The following MAP1S variants were observed in gnomAD, a reference collection of about 807,000 sequenced individuals.
MAP1S encodes the protein microtubule associated protein 1S.
A neutral mutation model predicts 60.9 loss-of-function variants in MAP1S; 27 were observed. The ratio of observed to expected loss-of-function variants is 0.44; its 90% CI spans 0.33 to 0.61. The LOEUF (loss-of-function observed/expected upper bound fraction) is 0.61. MAP1S is among the 20% of genes least tolerant of loss of function. The pLI is 0.03. For missense variants in MAP1S, 1,608 were observed against 1,486.6 expected, an observed-to-expected ratio of 1.08 and a Z score of -1.34; for synonymous variants, 826 against 694.2, an observed-to-expected ratio of 1.19 and a Z score of -2.98.
chr19:17,733,394 T>G lies in MAP1S; in HGVS notation c.2990T>G (p.Leu997Arg). The G allele has an allele frequency of 6.2e-7, 1 of 1,609,682 alleles. No individual in the cohort carries two copies. Reference protein sequence around the residue: ...EGMRAVLDALLASKQHWDRDL... With the variant: ...EGMRAVLDALRASKQHWDRDL... Reference sequence around the variant, plus strand: ...ATGCGGGCCGTCCTGGACGCGCTACTGGCCAGCAAGCAGCATTGGGACCGT... The same window carrying G: ...ATGCGGGCCGTCCTGGACGCGCTACGGGCCAGCAAGCAGCATTGGGACCGT... The change falls in exon 6 of 7, where the codon CTG becomes CGG. Residue 997 changes from leucine to arginine, a missense_variant. This residue lies in a region of MAP1S where 76 missense variants were observed against 110.1 expected (regional missense o/e 0.69). Transcript: ENST00000324096.
At chr19:17,724,581 A>G (rs1047204616) in intron 3 of MAP1S, among the ~76,000 whole-genome samples, 2 of 151,976 alleles carry the variant, frequency 1.3e-5, no homozygotes, top group Non-Finnish European at 2.9e-5. Context: ...GGCCATCTGT[A>G]CTCTACCAAT....
rs1442562367 is a variant in MAP1S at position 17,728,073 on chromosome 19, C to T, written c.2689C>T (p.Arg897Ter). 8 of 1,612,712 alleles carry T rather than the reference C, an allele frequency of 5.0e-6. No individual in the cohort carries two copies. The highest frequency in any genetic ancestry group is 6.8e-6 in the Non-Finnish European group (8 of 1,179,906). ...GCTTGCTGGTGGGGACCGTGCCAGC[C>T]GACCACTCAGTGCCCGGAGTGAGCC... ...KGLAGGDRAS[R>*]PLSARSEPSE... Residue 897 changes from arginine (R) to a stop codon, truncating the protein, a stop_gained, in exon 5 of 7, where the codon CGA becomes TGA. Coordinates refer to ENST00000324096, the MANE Select transcript of MAP1S (RefSeq NM_018174.6). LOFTEE classifies it high-confidence loss of function.
At chr19:17,724,984 C>G in intron 3 of MAP1S, 65 bp from the exon 4 acceptor site, 2 of 1,608,670 alleles carry the variant, frequency 1.2e-6, no homozygotes, top group Non-Finnish European at 1.7e-6. Context: ...GAGGCTACCC[C>G]AAAGAGGACT....
At chr19:17,732,885 G>A (rs926871475) in intron 5 of MAP1S, 1 of 377,652 alleles carries the variant, frequency 2.6e-6, no homozygotes, top group Admixed American at 4.6e-5. Flanking sequence ...TGTTTGTAGA[G>A]TGAGTGAAGA....
rs777573327 is a variant in MAP1S, at chr19:17,726,070, C to G, written c.686C>G (p.Pro229Arg). Residue 229 changes from proline to arginine, a missense_variant, in exon 5 of 7, where the codon CCC becomes CGC. Physicochemically the swap from Pro to Arg is moderately radical, Grantham distance 103. Transcript: ENST00000324096. Reference protein sequence around the residue: ...EPPSPFELLEPPTSGGFLRLG... With the variant: ...EPPSPFELLERPTSGGFLRLG... ...CCGTCCCCCTTCGAGCTGCTGGAGC[C>G]CCCGACCTCCGGGGGCTTCCTCAGG... is the stretch of plus-strand genomic sequence containing the variant. The G allele has an allele frequency of 6.2e-6, 10 of 1,613,600 alleles. No homozygotes were observed. The highest frequency in any genetic ancestry group is 7.6e-6 in the Non-Finnish European group (9 of 1,179,914).
chr19:17,720,397 G>T, intron 1 of MAP1S: 7 of 1,535,000 alleles, frequency 4.6e-6, no homozygotes, highest in Non-Finnish European at 6.1e-6. Flanking sequence ...GGATATGGCC[G>T]GGATGATAGA....
chr19:17,727,527 G>A lies in MAP1S; in HGVS notation c.2143G>A (p.Ala715Thr). The A allele has an allele frequency of 1.2e-6, 2 of 1,610,168 alleles. No individual in the cohort carries two copies. Among genetic ancestry groups the A allele is most frequent in the South Asian group, 2.2e-5 (2 of 90,978 alleles). ...GCCGCCATCCGCCCCCACCAGTGAG[G>A]CTGGGCTGAGCCTCCCGCTGCGTGG... ...VLPPSAPTSE[A>T]GLSLPLRGPR... The change falls in exon 5 of 7, where the codon GCT becomes ACT. Residue 715 changes from alanine to threonine, a missense_variant. Physicochemically the swap from Ala to Thr is moderately conservative, Grantham distance 58. Around this residue, in one of 4 missense-constraint regions of MAP1S, gnomAD observed 1,167 missense variants for 961.4 expected, o/e 1.21. Transcript: ENST00000324096. This position sits in a 1 kb window ranked among gnomAD's most constrained non-coding sequence, Gnocchi z 4.1.
Position 17,725,387 on chromosome 19 carries a change from G to A in MAP1S, c.444+198G>A, listed in dbSNP as rs999035148. ...CGCGAAAGGGTGTGGTGTGAGCTGA[G>A]TTTGTAGGTCAGCAGATGTCCCAAA... is the stretch of plus-strand genomic sequence containing the variant. On this transcript the variant is annotated intron_variant, in intron 4 of 6. Coordinates refer to ENST00000324096, the MANE Select transcript of MAP1S (RefSeq NM_018174.6). The surrounding 1 kb of genome is among the most constrained non-coding windows in gnomAD (Gnocchi z 4.2). Among the ~76,000 whole-genome samples, 4 of 152,216 alleles carry A rather than the reference G, an allele frequency of 2.6e-5. No homozygotes were observed. The highest frequency in any genetic ancestry group is 1.3e-4 in the Admixed American group (2 of 15,276).
chr19:17,724,318 C>A, intron 3 of MAP1S, 110 bp downstream of exon 3: 2 of 837,846 alleles, frequency 2.4e-6, no homozygotes, highest in Middle Eastern at 2.2e-4. Flanking sequence ...TCTCAAGACA[C>A]CCGGCACCAC....
Position 17,725,870 on chromosome 19 carries a change from G to C in MAP1S, c.486G>C (p.Pro162=), listed in dbSNP as rs771968962. The C allele has an allele frequency of 2.5e-6, 4 of 1,613,466 alleles. No homozygotes were observed. Among genetic ancestry groups the C allele is most frequent in the Non-Finnish European group, 3.4e-6 (4 of 1,179,966 alleles). ...ILATTPPPVQ[P]PILTITCPTF... is the part of the protein sequence containing the mutation. ...CCACCACGCCCCCACCTGTGCAGCC[G>C]CCCATACTCACCATCACCTGCCCCA... Residue 162 remains proline (P), a synonymous_variant, in exon 5 of 7, where the codon CCG becomes CCC. Transcript: ENST00000324096. This position sits in a 1 kb window ranked among gnomAD's most constrained non-coding sequence, Gnocchi z 4.2.
In MAP1S at chr19:17,727,707, G is replaced by C. The variant is rs1395726696; in HGVS notation, c.2323G>C (p.Gly775Arg). 15 of 1,608,218 alleles carry C rather than the reference G, an allele frequency of 9.3e-6. No individual in the cohort carries two copies. The highest frequency in any genetic ancestry group is 1.3e-5 in the Non-Finnish European group (15 of 1,178,280). The change falls in exon 5 of 7, where the codon GGT (glycine) becomes CGT (arginine). Residue 775 changes from glycine (G) to arginine (R), a missense_variant. Gly to Arg is a moderately radical substitution (Grantham distance 125). Around this residue, in one of 4 missense-constraint regions of MAP1S, gnomAD observed 1,167 missense variants for 961.4 expected, o/e 1.21. Coordinates refer to ENST00000324096, the MANE Select transcript of MAP1S (RefSeq NM_018174.6). This position sits in a 1 kb window ranked among gnomAD's most constrained non-coding sequence, Gnocchi z 4.1. ...DSSARSQERAGGLGAEETPPT... is the reference protein window; with the variant it reads ...DSSARSQERARGLGAEETPPT... ...CAGTGCCCGGTCACAGGAACGGGCA[G>C]GTGGGCTGGGGGCCGAGGAGACGCC...
At position 17,726,624 on chromosome 19, in the gene MAP1S, G is replaced by T. The variant is rs755070623; in HGVS notation, c.1240G>T (p.Ala414Ser). ...CGAGCGCACGCTGGCCTCTGTGTGC[G>T]CCCTGCTGGTGTGGCACCCCGCCGG... ...GAERTLASVCALLVWHPAGPG... is the reference protein window; with the variant it reads ...GAERTLASVCSLLVWHPAGPG... The change falls in exon 5 of 7, where the codon GCC becomes TCC. Residue 414 changes from alanine to serine, a missense_variant. Ala to Ser is a moderately conservative substitution (Grantham distance 99). Around this residue, in one of 4 missense-constraint regions of MAP1S, gnomAD observed 1,167 missense variants for 961.4 expected, o/e 1.21. Transcript: ENST00000324096. 4.5e-6 allele frequency: 7 copies of T among 1,572,434 alleles called. No homozygotes were observed. Among genetic ancestry groups the T allele is most frequent in the Non-Finnish European group, 6.0e-6 (7 of 1,163,420 alleles).
chr19:17,734,231 C>CTGG, intron 6 of MAP1S, 42 bp from the exon 7 acceptor site: 1 of 1,567,842 alleles, frequency 6.4e-7, no homozygotes, highest in African/African-American at 1.3e-5. Flanking sequence ...ACCCCCCTCA[C>CTGG]TGGTGGTCCA....
At chr19:17,722,050 A>G (rs946778980) in intron 2 of MAP1S, among the ~76,000 whole-genome samples, 4 of 152,164 alleles carry the variant, frequency 2.6e-5, no homozygotes, top group Non-Finnish European at 4.4e-5. Flanking sequence ...TTCATGGGGC[A>G]GAAAGTGGAG....
At chr19:17,719,995 A>T in intron 1 of MAP1S, 1 of 477,422 alleles carries the variant, frequency 2.1e-6, no homozygotes, top group Non-Finnish European at 2.8e-6. Context: ...TTGGATCTCC[A>T]GGTCTTAGCA....
At position 17,733,433 on chromosome 19, in the gene MAP1S, G is replaced by T. The variant is rs576770864; in HGVS notation, c.3024+5G>T. 4 of 1,585,322 alleles carry T rather than the reference G, an allele frequency of 2.5e-6. No individual in the cohort carries two copies. On this transcript the variant is annotated splice_donor_5th_base_variant and intron_variant, in intron 6 of 6. Coordinates refer to ENST00000324096, the MANE Select transcript of MAP1S (RefSeq NM_018174.6). Reference sequence around the variant, plus strand: ...CATTGGGACCGTGACCTGCAGGTGCGTGTCACCCCAGGGCCTCTGGTGGTA... The same window carrying T: ...CATTGGGACCGTGACCTGCAGGTGCTTGTCACCCCAGGGCCTCTGGTGGTA...
chr19:17,727,122 C>G lies in MAP1S; in HGVS notation c.1738C>G (p.Pro580Ala). ...TGGCTTCCCGCCGGTGGCAAATGGA[C>G]CCCGCAGCCCGCCCAGCCTCCGATG... is the stretch of plus-strand genomic sequence containing the variant. ...HSGFPPVANGPRSPPSLRCGE... is the reference protein window; with the variant it reads ...HSGFPPVANGARSPPSLRCGE... The change falls in exon 5 of 7, where the codon CCC becomes GCC. Residue 580 changes from proline (P) to alanine (A), a missense_variant. Pro to Ala is a conservative substitution (Grantham distance 27). This residue lies in a region of MAP1S where 1,167 missense variants were observed against 961.4 expected (regional missense o/e 1.21). Transcript: ENST00000324096. The surrounding 1 kb of genome is among the most constrained non-coding windows in gnomAD (Gnocchi z 4.1). 1 of 1,596,088 alleles carries G rather than the reference C, an allele frequency of 6.3e-7. No individual in the cohort carries two copies. Among genetic ancestry groups the G allele is most frequent in the South Asian group, 1.1e-5 (1 of 88,990 alleles).
In MAP1S at chr19:17,733,299, G is replaced by A. The variant is rs376043058; in HGVS notation, c.2895G>A (p.Glu965=). 41 of 1,590,044 alleles carry A rather than the reference G, an allele frequency of 2.6e-5. No individual in the cohort carries two copies. The African/African-American group carries it at 4.4e-4, about 17-fold the overall frequency. ...PSGSSAHLVD[E]EFFQRVRALC... ...GGAGCAGCGCCCACCTGGTGGATGA[G>A]GAGTTCTTCCAGCGCGTGCGCGCGC... Residue 965 remains glutamate (E), a synonymous_variant, in exon 6 of 7, where the codon GAG becomes GAA. Coordinates refer to ENST00000324096, the MANE Select transcript of MAP1S (RefSeq NM_018174.6).
intron 3 of MAP1S, 131 bp downstream of exon 3, chr19:17,724,339 C>T (rs1474351116): frequency 2.8e-6 from 2 of 714,976 alleles, no homozygotes; most frequent in Non-Finnish European, 4.8e-6. Context: ...ACTTCTTCGC[C>T]CACGAAGCCT....
Sources: gnomAD v4.1 joint callset for allele counts (sites outside exome capture counted in the v4.1 genomes callset) on GRCh38, gnomAD v4.1.1 for gene constraint, gnomAD v4.1.1 regional missense constraint, Gnocchi (gnomAD v3.1) non-coding constraint, MANE v1.5 for transcripts, NCBI Gene and HGNC (gene_info 2026-07-23, HGNC 2026-07-21) for gene names.